Variants in PTPRN2 observed in about 807,000 individuals in gnomAD.
PTPRN2 encodes the protein receptor-type tyrosine-protein phosphatase N2.
A neutral mutation model predicts 118.8 loss-of-function variants in PTPRN2; 74 were observed. The ratio of observed to expected loss-of-function variants is 0.62; its 90% confidence interval spans 0.52 to 0.76. The LOEUF (loss-of-function observed/expected upper bound fraction) is 0.76, where lower values mean the gene tolerates loss of function less well. Ranked by LOEUF, PTPRN2 falls within the 30% of genes least tolerant of loss-of-function variation. The pLI, the probability that PTPRN2 is intolerant of heterozygous loss-of-function variation, is 0.00. For synonymous variants in PTPRN2, 641 were observed against 608.0 expected (o/e 1.05, Z -0.80); for missense variants, 1,481 against 1,394.4 (o/e 1.06, Z -0.99).
intron 3 of PTPRN2, among the ~76,000 whole-genome samples, chr7:158,259,739 G>C (rs1797266150): frequency 6.7e-6 from 1 of 148,562 alleles, no homozygotes; most frequent in African/African-American, 2.4e-5. Context: ...GTGTGTCCAT[G>C]TGTCCATGAG....
chr7:157,988,109 C>T lies in PTPRN2; in HGVS notation c.1724-89372G>A, dbSNP rs76495500. Reference sequence around the variant, plus strand: ...TCATGCAGACGGAGAGGAGAAGCTGCGTTCCCTGCCTTTCCCGAATTGTTT... The same window carrying T: ...TCATGCAGACGGAGAGGAGAAGCTGTGTTCCCTGCCTTTCCCGAATTGTTT... On this transcript the variant is annotated intron_variant, in intron 11 of 22. Coordinates refer to ENST00000389418, the MANE Select transcript of PTPRN2 (RefSeq NM_002847.5). 6.3e-3 allele frequency among the ~76,000 whole-genome samples: 967 copies of T among 152,312 alleles called. 15 individuals carry two copies. Among genetic ancestry groups the T allele is most frequent in the South Asian group, 0.052 (249 of 4,820 alleles).
chr7:157,856,167 T>A (rs1809698437), intron 12 of PTPRN2: 1 of 152,234 alleles, frequency 6.6e-6, no homozygotes, highest in South Asian at 2.1e-4. Flanking sequence ...ATAATTTCAG[T>A]ATATGTTCAA....
intron 10 of PTPRN2, among the ~76,000 whole-genome samples, chr7:158,107,789 C>T (rs560784539): frequency 2.0e-5 from 3 of 152,146 alleles, no homozygotes; most frequent in Non-Finnish European, 4.4e-5. Flanking sequence ...TGTCCCCTGC[C>T]CACAGCAGCC....
intron 2 of PTPRN2, among the ~76,000 whole-genome samples, chr7:158,351,862 C>A (rs1255538213): frequency 6.6e-6 from 1 of 151,424 alleles, no homozygotes; most frequent in Non-Finnish European, 1.5e-5. Context: ...ACCACCCACT[C>A]CCAGCCCAGC....
At chr7:158,336,303 C>A (rs1466886734) in intron 2 of PTPRN2, among the ~76,000 whole-genome samples, 4 of 140,860 alleles carry the variant, frequency 2.8e-5, no homozygotes, top group African/African-American at 5.4e-5. Context: ...ACGTCACTCA[C>A]ACCCACACTC....
At chr7:158,294,872 G>A (rs1800363021) in intron 3 of PTPRN2, among the ~76,000 whole-genome samples, 1 of 148,182 alleles carries the variant, frequency 6.7e-6, no homozygotes, top group African/African-American at 2.5e-5. Flanking sequence ...GAGGGTCTAA[G>A]CCCATGGGGC....
intron 6 of PTPRN2, among the ~76,000 whole-genome samples, chr7:158,149,941 A>T (rs57671842): frequency 1.3e-5 from 2 of 151,898 alleles, no homozygotes; most frequent in East Asian, 1.9e-4. Context: ...TAAATAAAAC[A>T]TATGAAAAAT....
chr7:158,340,422 CACACACTCTCACCGTAAGAGCTGACA>C (rs1806470986), intron 2 of PTPRN2, among the ~76,000 whole-genome samples: 1 of 58,362 alleles, frequency 1.7e-5, no homozygotes, highest in African/African-American at 5.5e-5. Context: ...GTCACTCACA[CACACACTCTCACCGTAAGAGCTGACA>C]CCCGCAGACG....
intron 3 of PTPRN2, among the ~76,000 whole-genome samples, chr7:158,281,713 C>T (rs1490013872): frequency 2.0e-5 from 3 of 152,238 alleles, no homozygotes; most frequent in Non-Finnish European, 1.5e-5. Flanking sequence ...CCACCTCCTG[C>T]CACGCCCCAA....
chr7:158,083,719 C>T (rs769454941), intron 10 of PTPRN2, among the ~76,000 whole-genome samples: 5 of 152,226 alleles, frequency 3.3e-5, no homozygotes, highest in African/African-American at 9.6e-5. Flanking sequence ...CTGACACCCT[C>T]GGGGTACATC....
At position 157,615,162 on chromosome 7, in the gene PTPRN2, G is replaced by A. The variant is rs894386057; in HGVS notation, c.2344+6200C>T. 6.6e-6 allele frequency among the ~76,000 whole-genome samples: 1 copy of A among 152,248 alleles called. No homozygotes were observed. Among genetic ancestry groups the A allele is most frequent in the African/African-American group, 2.4e-5 (1 of 41,468 alleles). ...GGCCAACACTGGGCGGCTGGCCAGC[G>A]TGGGTGGTGGGTGTGCAGGCGATGC... On this transcript the variant is annotated intron_variant, in intron 15 of 22. Coordinates refer to ENST00000389418, the MANE Select transcript of PTPRN2 (RefSeq NM_002847.5). This position sits in a 1 kb window ranked among gnomAD's most constrained non-coding sequence, Gnocchi z 4.3.
intron 13 of PTPRN2, among the ~76,000 whole-genome samples, chr7:157,664,094 G>A (rs1796021874): frequency 6.6e-6 from 1 of 152,162 alleles, no homozygotes; most frequent in African/African-American, 2.4e-5. Flanking sequence ...CCCCTCCCAA[G>A]ACTAGAAAGT....
chr7:158,357,953 C>T (rs1808522737), intron 2 of PTPRN2, among the ~76,000 whole-genome samples: 1 of 152,252 alleles, frequency 6.6e-6, no homozygotes, highest in East Asian at 1.9e-4. Context: ...GCATGGGGCT[C>T]CTCCCCTCCC....
At chr7:157,682,598 T>A in intron 13 of PTPRN2, 127 bp downstream of exon 13, 2 of 1,002,300 alleles carry the variant, frequency 2.0e-6, no homozygotes, top group South Asian at 2.8e-5. Context: ...ACTGTCCTCA[T>A]AAAAGACCCC....
At chr7:157,952,549 C>T (rs1800904356) in intron 11 of PTPRN2, among the ~76,000 whole-genome samples, 1 of 152,056 alleles carries the variant, frequency 6.6e-6, no homozygotes, top group Admixed American at 6.5e-5. Flanking sequence ...GGCTGGCTCC[C>T]TGAGCAGCCC....
chr7:158,079,070 C>A (rs2128928887), intron 11 of PTPRN2, among the ~76,000 whole-genome samples: 1 of 152,234 alleles, frequency 6.6e-6, no homozygotes, highest in East Asian at 1.9e-4. Context: ...CTTGAACTCC[C>A]AACCTCAAGT....
At position 157,721,934 on chromosome 7, in the gene PTPRN2, C is replaced by T. The variant is rs78259487; in HGVS notation, c.1789-38997G>A. Among the ~76,000 whole-genome samples the T allele has an allele frequency of 6.4e-4, 98 of 152,360 alleles. No homozygotes were observed. The East Asian group carries it at 0.015, about 24-fold the overall frequency. On this transcript the variant is annotated intron_variant, in intron 12 of 22. Coordinates refer to ENST00000389418, the MANE Select transcript of PTPRN2 (RefSeq NM_002847.5). ...GGGTTAAGGGATATGTGTCTTCAAA[C>T]GAGAACACTTCATTCAACAGACTTT...
At chr7:157,704,133 G>C (rs1798213027) in intron 12 of PTPRN2, among the ~76,000 whole-genome samples, 1 of 152,186 alleles carries the variant, frequency 6.6e-6, no homozygotes. Flanking sequence ...ACACTGCCAT[G>C]GTTTAGAGGA....
chr7:158,134,053 G>A lies in PTPRN2; in HGVS notation c.1180C>T (p.Arg394Cys), dbSNP rs772824315. ...DDDRLYQEVH[R>C]LSATLGGLLQ... Reference sequence around the variant, plus strand: ...AGGCCCCCGAGTGTGGCACTCAGACGATGGACCTGACAGAGAGGACATTCC... The same window carrying A: ...AGGCCCCCGAGTGTGGCACTCAGACAATGGACCTGACAGAGAGGACATTCC... The change falls in exon 9 of 23, where the codon CGT (arginine) becomes TGT (cysteine). Residue 394 changes from arginine to cysteine, a missense_variant. Arg to Cys is a radical substitution (Grantham distance 180). Coordinates refer to ENST00000389418, the MANE Select transcript of PTPRN2 (RefSeq NM_002847.5). 14 of 1,612,600 alleles carry A rather than the reference G, an allele frequency of 8.7e-6. No individual in the cohort carries two copies. Among genetic ancestry groups the A allele is most frequent in the South Asian group, 3.3e-5 (3 of 90,988 alleles).
Sources: gnomAD v4.1 joint callset for allele counts (sites outside exome capture counted in the v4.1 genomes callset) on GRCh38, gnomAD v4.1.1 for gene constraint, Gnocchi (gnomAD v3.1) non-coding constraint, MANE v1.5 for transcripts, NCBI Gene and HGNC (gene_info 2026-07-23, HGNC 2026-07-21) for gene names.